PPFIA2: variants seen among roughly 807,000 people sequenced by gnomAD.
The protein encoded by PPFIA2 is PPFI scaffold protein A2.
In PPFIA2, 46 loss-of-function variants were observed where a neutral mutation model predicts 175.5. The ratio of observed to expected loss-of-function variants is 0.26; its 90% CI spans 0.21 to 0.34. PPFIA2 has a LOEUF of 0.34. PPFIA2 is among the 10% of genes least tolerant of loss of function. The probability of loss-of-function intolerance (pLI) is 1.00; values close to 1 mark genes in which losing one functional copy is unlikely to be tolerated. For synonymous variants in PPFIA2, 568 were observed against 511.4 expected (o/e 1.11, Z -1.49); for missense variants, 1,179 against 1,506.1 (o/e 0.78, Z 3.60).
At chr12:81,280,034 T>A (rs145063368) in intron 27 of PPFIA2, among the ~76,000 whole-genome samples, 36 of 152,324 alleles carry the variant, frequency 2.4e-4, no homozygotes, top group African/African-American at 8.2e-4. Context: ...TTCATCCAAT[T>A]TAAATGTATT....
chr12:81,544,020 A>C (rs1032033578), intron 4 of PPFIA2, among the ~76,000 whole-genome samples: 4 of 152,246 alleles, frequency 2.6e-5, no homozygotes, highest in African/African-American at 9.6e-5. Context: ...CTTTGAACAC[A>C]AAAAGGACCT....
chr12:81,580,654 A>G (rs1040244459), intron 4 of PPFIA2, among the ~76,000 whole-genome samples: 20 of 151,688 alleles, frequency 1.3e-4, no homozygotes, highest in African/African-American at 4.1e-4. Flanking sequence ...TCTACCAAAT[A>G]AACAAAAACA....
intron 3 of PPFIA2, among the ~76,000 whole-genome samples, chr12:81,692,674 A>G (rs2075394272): frequency 6.6e-6 from 1 of 152,134 alleles, no homozygotes; most frequent in African/African-American, 2.4e-5. Flanking sequence ...TGTTAGAAAA[A>G]CAATAATAAA....
Position 81,310,362 on chromosome 12 carries a change from T to C in PPFIA2, c.2643-10980A>G, listed in dbSNP as rs534524369. Among the ~76,000 whole-genome samples, 5 of 152,230 alleles carry C rather than the reference T, an allele frequency of 3.3e-5. No individual in the cohort carries two copies. The South Asian group carries it at 1.0e-3, about 32-fold the overall frequency. ...ATTATCCAAAGCTTTCTTTTAGTAA[T>C]TGTACTAGGGAAATGGTGTTAAGGT... On this transcript the variant is annotated intron_variant, in intron 22 of 32. Transcript: ENST00000549396.
At chr12:81,726,745 C>A (rs746730186) in intron 3 of PPFIA2, among the ~76,000 whole-genome samples, 13 of 151,310 alleles carry the variant, frequency 8.6e-5, no homozygotes, top group Non-Finnish European at 1.5e-4. Context: ...TATGGCCTGC[C>A]TCTTATTGTG....
At chr12:81,448,394 G>A (rs1036438737) in intron 5 of PPFIA2, among the ~76,000 whole-genome samples, 2 of 152,096 alleles carry the variant, frequency 1.3e-5, no homozygotes, top group Non-Finnish European at 2.9e-5. Context: ...TCTCCCCCTG[G>A]ATTATAATGG....
At chr12:81,618,525 AC>A (rs1245980843) in intron 4 of PPFIA2, among the ~76,000 whole-genome samples, 2 of 134,312 alleles carry the variant, frequency 1.5e-5, no homozygotes, top group Admixed American at 1.5e-4. Context: ...TACCCATGGC[AC>A]TTTTTTTTTT....
chr12:81,651,750 A>G (rs1348386375), intron 4 of PPFIA2, among the ~76,000 whole-genome samples: 1 of 152,170 alleles, frequency 6.6e-6, no homozygotes, highest in Non-Finnish European at 1.5e-5. Context: ...AAAATCAAAG[A>G]GCTCATAAGT....
At chr12:81,671,293 A>G (rs1344716234) in intron 4 of PPFIA2, among the ~76,000 whole-genome samples, 1 of 151,874 alleles carries the variant, frequency 6.6e-6, no homozygotes, top group African/African-American at 2.4e-5. Flanking sequence ...TATGTTCACC[A>G]TGTTCTCAGT....
At chr12:81,314,590 A>C (rs1444513362) in intron 22 of PPFIA2, among the ~76,000 whole-genome samples, 1 of 151,906 alleles carries the variant, frequency 6.6e-6, no homozygotes, top group Non-Finnish European at 1.5e-5. Context: ...CATATGTCTT[A>C]TATTTCAAAA....
chr12:81,667,130 A>G (rs2070482782), intron 4 of PPFIA2, among the ~76,000 whole-genome samples: 1 of 152,082 alleles, frequency 6.6e-6, no homozygotes, highest in Non-Finnish European at 1.5e-5. Context: ...TACATCACCA[A>G]GCTTCTCCAG....
intron 4 of PPFIA2, among the ~76,000 whole-genome samples, chr12:81,496,058 G>A (rs180734325): frequency 6.6e-5 from 10 of 152,162 alleles, no homozygotes; most frequent in African/African-American, 2.4e-5. Flanking sequence ...GCAGTGTTTT[G>A]TTGTATTGTT....
intron 9 of PPFIA2, among the ~76,000 whole-genome samples, chr12:81,383,587 T>C (rs756497655): frequency 3.9e-5 from 6 of 152,126 alleles, no homozygotes; most frequent in Non-Finnish European, 7.4e-5. Context: ...GTTATACATA[T>C]GCGTGTATAT....
intron 22 of PPFIA2, among the ~76,000 whole-genome samples, chr12:81,314,591 T>C (rs2051847115): frequency 6.6e-6 from 1 of 151,960 alleles, no homozygotes; most frequent in African/African-American, 2.4e-5. Flanking sequence ...ATATGTCTTA[T>C]ATTTCAAAAT....
chr12:81,609,010 C>A (rs1043721618), intron 4 of PPFIA2, among the ~76,000 whole-genome samples: 6 of 151,800 alleles, frequency 4.0e-5, no homozygotes, highest in Admixed American at 2.6e-4. Flanking sequence ...TCATTAATTT[C>A]AAAGAATTTT....
intron 4 of PPFIA2, among the ~76,000 whole-genome samples, chr12:81,543,720 G>A (rs750776715): frequency 2.6e-5 from 4 of 151,984 alleles, no homozygotes; most frequent in Non-Finnish European, 4.4e-5. Context: ...GAAGAAACCC[G>A]ACAAACAATT....
intron 4 of PPFIA2, among the ~76,000 whole-genome samples, chr12:81,557,193 C>A (rs1470436154): frequency 7.8e-6 from 1 of 128,638 alleles, no homozygotes; most frequent in Non-Finnish European, 1.7e-5. Context: ...GATCTTATAT[C>A]TACACACACA....
intron 4 of PPFIA2, among the ~76,000 whole-genome samples, chr12:81,492,783 T>C (rs2059553145): frequency 1.3e-5 from 2 of 152,054 alleles, no homozygotes; most frequent in Admixed American, 1.3e-4. Flanking sequence ...CATGGTCAGA[T>C]TTCTGTATAA....
intron 4 of PPFIA2, chr12:81,546,123 CA>C (rs11432193): frequency 0.03 from 1,980 of 65,778 alleles, 22 homozygotes; most frequent in East Asian, 0.077. Context: ...GACTGTGTCT[CA>C]AAAAAAAAAA....
Sources: gnomAD v4.1 joint callset for allele counts (sites outside exome capture counted in the v4.1 genomes callset) on GRCh38, gnomAD v4.1.1 for gene constraint, MANE v1.5 for transcripts, NCBI Gene and HGNC (gene_info 2026-07-23, HGNC 2026-07-21) for gene names.